The following CEP44 variants were observed in gnomAD, a reference collection of about 807,000 sequenced individuals.
CEP44 encodes the protein centrosomal protein 44, also known as centrosomal protein of 44 kDa.
Under a neutral mutation model 46.7 loss-of-function variants are expected in CEP44, and 45 were observed. That is an observed-to-expected ratio of 0.96 (90% confidence interval 0.76 to 1.24). CEP44 has a LOEUF of 1.24. Ranked by LOEUF, CEP44 falls within the 50% of genes most tolerant of loss-of-function variation. The pLI is 0.00. For missense variants in CEP44, 475 were observed against 459.7 expected (o/e 1.03, Z -0.30); for synonymous variants, 142 against 146.0 (o/e 0.97, Z 0.20).
chr4:174,298,214 C>T (rs1279589126), intron 2 of CEP44, among the ~76,000 whole-genome samples, 152 bp downstream of exon 2: 2 of 113,900 alleles, frequency 1.8e-5, no homozygotes, highest in African/African-American at 6.9e-5. Flanking sequence ...CTCGCTCTGT[C>T]GCCCAGGCTG....
intron 3 of CEP44, among the ~76,000 whole-genome samples, chr4:174,299,450 T>G (rs1438216899): frequency 6.6e-6 from 1 of 152,232 alleles, no homozygotes; most frequent in Non-Finnish European, 1.5e-5. Flanking sequence ...TTTATCTGTA[T>G]AAGTTATAAT....
Position 174,316,200 on chromosome 4 carries a change from T to C in CEP44, c.996T>C (p.Ile332=). 6.2e-7 allele frequency: 1 copy of C among 1,613,680 alleles called. No homozygotes were observed. The highest frequency in any genetic ancestry group is 8.5e-7 in the Non-Finnish European group (1 of 1,179,824). The part of the protein sequence containing the change: ...RKSEVERPAS[I]PLSSGYSTAS... ...GCGAAGTAGAGAGGCCAGCAAGTAT[T>C]CCTCTGTCCTCTGGCTATAGTACAG... Residue 332 remains isoleucine, a synonymous_variant, in exon 10 of 12, where the codon ATT becomes ATC. Transcript: ENST00000503780.
At chr4:174,296,889 T>G (rs946407040) in intron 1 of CEP44, among the ~76,000 whole-genome samples, 21 of 152,030 alleles carry the variant, frequency 1.4e-4, no homozygotes, top group Admixed American at 8.5e-4. Flanking sequence ...TTCATATATC[T>G]TGACATTGTG....
intron 8 of CEP44, among the ~76,000 whole-genome samples, chr4:174,330,505 A>T (rs903293297): frequency 6.6e-6 from 1 of 151,896 alleles, no homozygotes; most frequent in Non-Finnish European, 1.5e-5. Context: ...AAAAAAAAAA[A>T]TTATGTGATA....
chr4:174,327,444 A>C (rs1343477887), intron 8 of CEP44, among the ~76,000 whole-genome samples: 1 of 151,928 alleles, frequency 6.6e-6, no homozygotes, highest in East Asian at 1.9e-4. Context: ...CCCAGAGTCT[A>C]AGATTATACA....
rs1214064230 is a variant in CEP44 at position 174,326,341 on chromosome 4, TTTAAC to T, written c.1087-5136_1087-5132del. On this transcript the variant is annotated intron_variant, in intron 8 of 8. Transcript: ENST00000426172. The surrounding 1 kb of genome is among the most constrained non-coding windows in gnomAD (Gnocchi z 4.8). ...TACTACTCATTTTTCAGTATATATA[TTTAAC>T]TTAATATAGGCTACCTTCAAATATT... Among the ~76,000 whole-genome samples the T allele has an allele frequency of 6.6e-6, 1 of 151,408 alleles. No homozygotes were observed. Among genetic ancestry groups the T allele is most frequent in the Non-Finnish European group, 1.5e-5 (1 of 67,928 alleles).
intron 8 of CEP44, among the ~76,000 whole-genome samples, chr4:174,328,621 G>C (rs1341758947): frequency 6.6e-6 from 1 of 152,134 alleles, no homozygotes; most frequent in Non-Finnish European, 1.5e-5. Context: ...GAGTCTTATG[G>C]TGTATCCAGA....
At chr4:174,295,162 C>T (rs1374798269) in intron 1 of CEP44, among the ~76,000 whole-genome samples, 15 of 151,042 alleles carry the variant, frequency 9.9e-5, no homozygotes, top group African/African-American at 2.9e-4. Context: ...GGGTGGCTGC[C>T]GGGCAGAGAC....
rs1183915056 is a variant in CEP44 at position 174,311,093 on chromosome 4, G to C, written c.961+235G>C. ...GTGTACAAAATTGAAAATTTTTAGA[G>C]ATATTTTACTGTTTTAATCATTCGA... On this transcript the variant is annotated intron_variant, in intron 9 of 11. Transcript: ENST00000503780. This position sits in a 1 kb window ranked among gnomAD's most constrained non-coding sequence, Gnocchi z 4.4. 2.0e-5 allele frequency among the ~76,000 whole-genome samples: 3 copies of C among 151,924 alleles called. No individual in the cohort carries two copies. The highest frequency in any genetic ancestry group is 1.3e-4 in the Admixed American group (2 of 15,240).
At chr4:174,304,509 A>C in intron 6 of CEP44, 140 bp downstream of exon 6, 1 of 1,162,478 alleles carries the variant, frequency 8.6e-7, no homozygotes, top group Admixed American at 3.5e-5. Flanking sequence ...AGTGCATGCC[A>C]TATATTTTTG....
chr4:174,317,561 T>TTAA lies in CEP44; in HGVS notation c.*178_*179insTAA. The TTAA allele has an allele frequency of 8.6e-7, 1 of 1,168,388 alleles. No homozygotes were observed. The highest frequency in any genetic ancestry group is 4.6e-5 in the Admixed American group (1 of 21,962). 72.4% of individuals were successfully genotyped at this position (1,168,388 alleles called of 1,614,324 possible). On this transcript the variant is annotated 3_prime_UTR_variant, in exon 12 of 12. Transcript: ENST00000503780. ...TAACTCTTTTAATATTTTTGAGCAATGATTATACTGCTTTACCTTGTGTCA... is the reference window on the plus strand; with the variant it reads ...TAACTCTTTTAATATTTTTGAGCAATTAAGATTATACTGCTTTACCTTGTGTCA...
intron 1 of CEP44, among the ~76,000 whole-genome samples, chr4:174,295,857 A>G (rs1211063565): frequency 6.6e-6 from 1 of 152,196 alleles, no homozygotes; most frequent in Non-Finnish European, 1.5e-5. Flanking sequence ...AATTAAGTTG[A>G]GGGACTTTCC....
rs1176785612 is a variant in CEP44 at position 174,310,582 on chromosome 4, C to A, written c.886-201C>A. On this transcript the variant is annotated intron_variant, in intron 8 of 11. Coordinates refer to ENST00000503780, the MANE Select transcript of CEP44 (RefSeq NM_001040157.3). This position sits in a 1 kb window ranked among gnomAD's most constrained non-coding sequence, Gnocchi z 4.2. ...GTCTTTCCTTCCTAGAAGGTGAAGT[C>A]AAGTAGCTTGCTATCTGCTTCCATA... Among the ~76,000 whole-genome samples the A allele has an allele frequency of 2.6e-5, 4 of 151,760 alleles. No homozygotes were observed. The highest frequency in any genetic ancestry group is 2.6e-4 in the Admixed American group (4 of 15,236).
At chr4:174,308,079 C>T (rs1177234088) in intron 6 of CEP44, among the ~76,000 whole-genome samples, 1 of 152,136 alleles carries the variant, frequency 6.6e-6, no homozygotes, top group Non-Finnish European at 1.5e-5. Flanking sequence ...GACCATTTGA[C>T]CCAGCAGTCC....
chr4:174,293,759 C>T (rs578241577), intron 1 of CEP44, among the ~76,000 whole-genome samples: 154 of 152,146 alleles, frequency 1.0e-3, no homozygotes, highest in African/African-American at 3.6e-3. Flanking sequence ...CCACTTTATT[C>T]CTTTCTTCCT....
At chr4:174,313,545 A>G (rs1319456594) in intron 9 of CEP44, among the ~76,000 whole-genome samples, 1 of 152,142 alleles carries the variant, frequency 6.6e-6, no homozygotes, top group Non-Finnish European at 1.5e-5. Flanking sequence ...AGCAAGGCTA[A>G]TATTCTTAGG....
intron 2 of CEP44, 57 bp from the exon 3 acceptor site, chr4:174,299,015 C>G: frequency 2.1e-6 from 2 of 960,138 alleles, no homozygotes; most frequent in Non-Finnish European, 3.1e-6. Flanking sequence ...AAAATAGAAT[C>G]AAGAAGCTTC....
intron 7 of CEP44, 67 bp downstream of exon 7, chr4:174,308,926 C>A: frequency 7.4e-7 from 1 of 1,348,280 alleles, no homozygotes; most frequent in Non-Finnish European, 1.0e-6. Context: ...ATTATTTCAG[C>A]CTCTAAACTT....
chr4:174,293,817 C>G (rs1738513128), intron 1 of CEP44, among the ~76,000 whole-genome samples: 1 of 152,094 alleles, frequency 6.6e-6, no homozygotes, highest in Non-Finnish European at 1.5e-5. Context: ...GCTAGGACTT[C>G]TGGAACACTG....
Sources: allele counts gnomAD v4.1 joint callset (sites outside exome capture counted in the v4.1 genomes callset), GRCh38; gene constraint gnomAD v4.1.1; non-coding constraint Gnocchi (gnomAD v3.1); transcripts MANE v1.5; gene names NCBI Gene and HGNC (gene_info 2026-07-23, HGNC 2026-07-21).